The following CABIN1 variants were observed in gnomAD, a reference collection of about 807,000 sequenced individuals.
CABIN1 encodes the protein calcineurin-binding protein cabin-1.
CABIN1 carries 133 observed loss-of-function variants against 227.7 expected under a neutral mutation model. The ratio of observed to expected loss-of-function variants is 0.58; its 90% confidence interval spans 0.51 to 0.67. The LOEUF (loss-of-function observed/expected upper bound fraction) is 0.67, where lower values mean the gene tolerates loss of function less well. Ranked by LOEUF, CABIN1 falls within the 30% of genes least tolerant of loss-of-function variation. The probability of loss-of-function intolerance (pLI) is 0.00; values close to 1 mark genes in which losing one functional copy is unlikely to be tolerated. For missense variants in CABIN1, 2,408 were observed against 2,852.5 expected (o/e 0.84, Z 3.55); for synonymous variants, 1,086 against 1,155.1 (o/e 0.94, Z 1.21).
intron 34 of CABIN1, among the ~76,000 whole-genome samples, chr22:24,173,739 C>T (rs978850324): frequency 6.6e-6 from 1 of 152,126 alleles, no homozygotes; most frequent in African/African-American, 2.4e-5. Flanking sequence ...GAGGCTGAAG[C>T]AGGAGAATCG....
chr22:24,076,560 A>G (rs1293723546), intron 19 of CABIN1, among the ~76,000 whole-genome samples: 1 of 152,164 alleles, frequency 6.6e-6, no homozygotes, highest in Non-Finnish European at 1.5e-5. Flanking sequence ...TAGATCTACT[A>G]GTCCTTACTG....
chr22:24,141,441 A>G (rs2044750832), intron 29 of CABIN1, among the ~76,000 whole-genome samples: 1 of 152,178 alleles, frequency 6.6e-6, no homozygotes, highest in Non-Finnish European at 1.5e-5. Context: ...GAATGCTGCT[A>G]TCTCTGATCT....
At chr22:24,105,536 G>T (rs927164631) in intron 26 of CABIN1, among the ~76,000 whole-genome samples, 1 of 152,156 alleles carries the variant, frequency 6.6e-6, no homozygotes, top group Admixed American at 6.5e-5. Flanking sequence ...TGGCCTCCAA[G>T]TAGCTCCCTA....
intron 29 of CABIN1, among the ~76,000 whole-genome samples, chr22:24,137,123 G>A (rs772258995): frequency 1.8e-4 from 28 of 152,212 alleles, no homozygotes; most frequent in Non-Finnish European, 3.5e-4. Flanking sequence ...CACATGGCAG[G>A]TACTTAAGAA....
At chr22:24,046,299 G>A (rs1038182739) in intron 6 of CABIN1, among the ~76,000 whole-genome samples, 1 of 152,146 alleles carries the variant, frequency 6.6e-6, no homozygotes, top group African/African-American at 2.4e-5. Flanking sequence ...CCAGATTTGT[G>A]TTCTTAGTCA....
At chr22:24,118,040 C>G (rs534616150) in intron 27 of CABIN1, among the ~76,000 whole-genome samples, 1 of 152,164 alleles carries the variant, frequency 6.6e-6, no homozygotes, top group Non-Finnish European at 1.5e-5. Flanking sequence ...TCCTGGCATT[C>G]AGTCATTAGG....
At chr22:24,089,205 A>G (rs2041374937) in intron 23 of CABIN1, among the ~76,000 whole-genome samples, 2 of 152,346 alleles carry the variant, frequency 1.3e-5, no homozygotes, top group Admixed American at 6.5e-5. Context: ...ATAGGGTGAG[A>G]AGTCAGAGTT....
intron 1 of CABIN1, among the ~76,000 whole-genome samples, chr22:24,021,061 G>A (rs2035688393): frequency 6.6e-6 from 1 of 151,198 alleles, no homozygotes; most frequent in Non-Finnish European, 1.5e-5. Flanking sequence ...ATGCAGTGGT[G>A]TGATCATGGC....
intron 8 of CABIN1, among the ~76,000 whole-genome samples, chr22:24,054,411 G>A (rs564366558): frequency 6.6e-6 from 1 of 152,324 alleles, no homozygotes; most frequent in Non-Finnish European, 1.5e-5. Flanking sequence ...CATAGGCCCT[G>A]CCCATGGTCC....
intron 32 of CABIN1, 27 bp from the exon 33 acceptor site, chr22:24,168,420 C>A (rs756892977): frequency 5.1e-6 from 8 of 1,559,174 alleles, no homozygotes; most frequent in Non-Finnish European, 6.9e-6. Context: ...GCCTGCGCCC[C>A]CTGACTTCCA....
intron 3 of CABIN1, among the ~76,000 whole-genome samples, chr22:24,036,611 A>C (rs867822598): frequency 6.6e-6 from 1 of 151,680 alleles, no homozygotes; most frequent in Non-Finnish European, 1.5e-5. Context: ...TCCAACCTCA[A>C]CTCCCTAGAT....
chr22:24,149,788 C>CA (rs1425722174), intron 29 of CABIN1, among the ~76,000 whole-genome samples: 1 of 152,218 alleles, frequency 6.6e-6, no homozygotes, highest in East Asian at 1.9e-4. Flanking sequence ...CTATTGGGAA[C>CA]CCCAGGCTGG....
chr22:24,167,442 C>T, intron 32 of CABIN1, 129 bp downstream of exon 32: 1 of 756,660 alleles, frequency 1.3e-6, no homozygotes. Flanking sequence ...CCCACACCAT[C>T]CCTGCTGTTC....
chr22:24,041,528 G>C, intron 5 of CABIN1, among the ~76,000 whole-genome samples: 1 of 152,186 alleles, frequency 6.6e-6, no homozygotes, highest in Non-Finnish European at 1.5e-5. Flanking sequence ...CTCAGTGCAC[G>C]TGTGGCTGTG....
At chr22:24,091,229 G>A (rs2069765276) in intron 23 of CABIN1, among the ~76,000 whole-genome samples, 1 of 152,216 alleles carries the variant, frequency 6.6e-6, no homozygotes, top group Non-Finnish European at 1.5e-5. Context: ...CAGTGCCGTA[G>A]GGCTGGGTGC....
At chr22:24,056,786 T>C (rs927531205) in intron 10 of CABIN1, among the ~76,000 whole-genome samples, 3 of 152,180 alleles carry the variant, frequency 2.0e-5, no homozygotes, top group African/African-American at 7.2e-5. Flanking sequence ...CCTTGCATTC[T>C]GAGAAGGTAG....
At chr22:24,084,517 C>A in intron 20 of CABIN1, 62 bp from the exon 21 acceptor site, 1 of 1,312,828 alleles carries the variant, frequency 7.6e-7, no homozygotes, top group Non-Finnish European at 1.1e-6. Flanking sequence ...TGGAGGAATG[C>A]AATTTTCCTT....
At position 24,162,546 on chromosome 22, in the gene CABIN1, G is replaced by A. The variant is rs541876619; in HGVS notation, c.4747-1854G>A. On this transcript the variant is annotated intron_variant, in intron 29 of 36. Transcript: ENST00000263119. The stretch of plus-strand genomic sequence containing the variant: ...GCTGGCCTGACCCTGCCCGGGAAAC[G>A]TGCCCTTCAGCACACTGTTACCAGA... Among the ~76,000 whole-genome samples the A allele has an allele frequency of 6.6e-5, 10 of 152,352 alleles. No individual in the cohort carries two copies. In the East Asian group the frequency reaches 1.3e-3, roughly 21 times the overall value.
intron 29 of CABIN1, among the ~76,000 whole-genome samples, chr22:24,142,816 C>T (rs1442224634): frequency 6.6e-6 from 1 of 152,200 alleles, no homozygotes; most frequent in African/African-American, 2.4e-5. Flanking sequence ...TCCTGCCTAC[C>T]TTCTCTCATC....
Sources: allele counts gnomAD v4.1 joint callset (sites outside exome capture counted in the v4.1 genomes callset), GRCh38; gene constraint gnomAD v4.1.1; transcripts MANE v1.5; gene names NCBI Gene and HGNC (gene_info 2026-07-23, HGNC 2026-07-21).